The following ZNF606 variants were observed in gnomAD, a reference collection of about 807,000 sequenced individuals.
ZNF606 encodes zinc finger protein 606.
A neutral mutation model predicts 74.9 loss-of-function variants in ZNF606; 37 were observed. The observed-to-expected ratio is 0.49, with a 90% CI of 0.38 to 0.65. ZNF606 has a LOEUF of 0.65. ZNF606 is among the 30% of genes least tolerant of loss of function. The pLI, the probability that ZNF606 is intolerant of heterozygous loss-of-function variation, is 0.00. For missense variants in ZNF606, 852 were observed against 952.9 expected, an observed-to-expected ratio of 0.89 and a Z score of 1.39; for synonymous variants, 328 against 312.4, an observed-to-expected ratio of 1.05 and a Z score of -0.53.
intron 3 of ZNF606, 32 bp from the exon 4 acceptor site, chr19:57,999,928 C>T (rs1273041604): frequency 3.1e-6 from 5 of 1,603,938 alleles, no homozygotes; most frequent in Non-Finnish European, 4.3e-6. Flanking sequence ...ATGGAGGCAG[C>T]TCTCGCTGCC....
rs2073017211 is a variant in ZNF606 at position 57,978,132 on chromosome 19, T to C, written c.*169A>G. On this transcript the variant is annotated 3_prime_UTR_variant, in exon 7 of 7. Coordinates refer to ENST00000551380, the MANE Select transcript of ZNF606 (RefSeq NM_001348022.3). This position sits in a 1 kb window ranked among gnomAD's most constrained non-coding sequence, Gnocchi z 4.4. ...GGGCTAAATAACTGCTGAAAGCTTT[T>C]CCCTATTCTTTTCCTTCATGGGGTT... 4.6e-6 allele frequency: 3 copies of C among 646,290 alleles called. No individual in the cohort carries two copies. Among genetic ancestry groups the C allele is most frequent in the Non-Finnish European group, 7.2e-6 (3 of 413,958 alleles). The allele number at this position is 646,290 out of a possible 1,614,324, so 40.0% of individuals were successfully genotyped here.
chr19:57,988,741 C>G lies in ZNF606; in HGVS notation c.178-20G>C. The G allele has an allele frequency of 6.2e-7, 1 of 1,613,810 alleles. No individual in the cohort carries two copies. The highest frequency in any genetic ancestry group is 8.5e-7 in the Non-Finnish European group (1 of 1,180,016). On this transcript the variant is annotated intron_variant, in intron 4 of 6. Transcript: ENST00000551380. ...TGGTTCCTAAAAGAACACAAACGTTCCTTCTCAGCCTGTGACCACCCCCTC... is the reference window on the plus strand; with the variant it reads ...TGGTTCCTAAAAGAACACAAACGTTGCTTCTCAGCCTGTGACCACCCCCTC...
At chr19:58,003,306 ATGGGAGCATGGG>A, upstream of ZNF606, 1 of 456,678 alleles carries the variant, frequency 2.2e-6, no homozygotes, top group Non-Finnish European at 4.4e-6. Flanking sequence ...GCCAGGCTTT[ATGGGAGCATGGG>A]TTACCAGCGA....
In ZNF606 at chr19:57,980,023, A is replaced by G. The variant is rs756867693; in HGVS notation, c.657T>C (p.Phe219=). The change falls in exon 7 of 7, where the codon TTT becomes TTC. Residue 219 remains phenylalanine (F), a synonymous_variant. Coordinates refer to ENST00000551380, the MANE Select transcript of ZNF606 (RefSeq NM_001348022.3). Reference sequence around the variant, plus strand: ...ATGGAACAAAGTTTAAGTTCTGGCTAAACTCTGCCCCAAGTCCACAGAATT... The same window carrying G: ...ATGGAACAAAGTTTAAGTTCTGGCTGAACTCTGCCCCAAGTCCACAGAATT... ...SSEFCGLGAE[F]SQNLNFVPSQ... The G allele has an allele frequency of 1.2e-6, 2 of 1,613,620 alleles. No individual in the cohort carries two copies. Among genetic ancestry groups the G allele is most frequent in the Non-Finnish European group, 1.7e-6 (2 of 1,180,030 alleles).
At chr19:57,980,378 TA>T (rs1600214683) in intron 6 of ZNF606, 99 bp from the exon 7 acceptor site, 7 of 1,286,022 alleles carry the variant, frequency 5.4e-6, no homozygotes, top group Non-Finnish European at 7.4e-6. Flanking sequence ...AAAACACTAG[TA>T]TAAATTTGTT....
intron 4 of ZNF606, among the ~76,000 whole-genome samples, chr19:57,989,411 T>C (rs1183042975): frequency 6.6e-6 from 1 of 152,106 alleles, no homozygotes; most frequent in Non-Finnish European, 1.5e-5. Context: ...GTCTGATTTT[T>C]CCAATGAATA....
chr19:57,999,925 C>T, intron 3 of ZNF606, 29 bp from the exon 4 acceptor site: 1 of 1,606,740 alleles, frequency 6.2e-7, no homozygotes, highest in Non-Finnish European at 8.5e-7. Flanking sequence ...GTCATGGAGG[C>T]AGCTCTCGCT....
chr19:58,002,539 C>A lies in ZNF606; in HGVS notation c.-195G>T. 1 of 425,120 alleles carries A rather than the reference C, an allele frequency of 2.4e-6. No individual in the cohort carries two copies. The highest frequency in any genetic ancestry group is 1.7e-5 in the South Asian group (1 of 59,990). The allele number at this position is 425,120 out of a possible 1,614,324, so 26.3% of individuals were successfully genotyped here. On this transcript the variant is annotated 5_prime_UTR_variant, in exon 1 of 7. Coordinates refer to ENST00000551380, the MANE Select transcript of ZNF606 (RefSeq NM_001348022.3). ...CCCGGCGCGGCCTCGGGGACAAAGG[C>A]CCGCGGAGCCGACGTGCAGCAGAGT... is the stretch of plus-strand genomic sequence containing the variant.
At chr19:58,000,228 C>CT (rs138401809) in intron 3 of ZNF606, 168,622 of 344,928 alleles carry the variant, frequency 0.49, 30,250 homozygotes, top group South Asian at 0.54. Context: ...CACTGGTTTT[C>CT]TTTTTTTTTT....
At position 58,000,691 on chromosome 19, in the gene ZNF606, G is replaced by C; in HGVS notation, c.80C>G (p.Ala27Gly). 6.2e-7 allele frequency: 1 copy of C among 1,613,396 alleles called. No individual in the cohort carries two copies. The highest frequency in any genetic ancestry group is 1.7e-4 in the Middle Eastern group (1 of 6,060). Residue 27 changes from alanine to glycine, a missense_variant, in exon 3 of 7, where the codon GCC (alanine) becomes GGC (glycine). This residue lies in a region of ZNF606 where 545 missense variants were observed against 542.5 expected (regional missense o/e 1.00). Transcript: ENST00000551380. ...SWGMTAVDPWASWALCPQYPA... is the reference protein window; with the variant it reads ...SWGMTAVDPWGSWALCPQYPA... ...CCAGGCTCTTGACTCACCCCAGGAGGCCCATGGGTCAACAGCTGTCATCCC... is the reference window on the plus strand; with the variant it reads ...CCAGGCTCTTGACTCACCCCAGGAGCCCCATGGGTCAACAGCTGTCATCCC...
Position 57,978,365 on chromosome 19 carries a change from G to A in ZNF606, c.2315C>T (p.Ala772Val), listed in dbSNP as rs766288683. 4 of 1,608,346 alleles carry A rather than the reference G, an allele frequency of 2.5e-6. No individual in the cohort carries two copies. The highest frequency in any genetic ancestry group is 3.4e-6 in the Non-Finnish European group (4 of 1,175,350). The change falls in exon 7 of 7, where the codon GCC (alanine) becomes GTC (valine). Residue 772 changes from alanine to valine, a missense_variant. Ala to Val is a moderately conservative substitution (Grantham distance 64). Transcript: ENST00000551380. The surrounding 1 kb of genome is among the most constrained non-coding windows in gnomAD (Gnocchi z 4.4). ...KRFICSECGK[A>V]FSGHSALLQH... ...AAGTAGGGCTGAGTGACCACTAAAG[G>A]CTTTTCCACATTCACTGCATATAAA...
At chr19:58,002,155 C>T (rs745445057) in intron 1 of ZNF606, 7 of 456,492 alleles carry the variant, frequency 1.5e-5, no homozygotes, top group South Asian at 7.7e-5. Context: ...TGACAGTGAC[C>T]GCCGCCGTCA....
chr19:57,980,558 C>A (rs898012417), intron 6 of ZNF606, among the ~76,000 whole-genome samples: 1 of 151,896 alleles, frequency 6.6e-6, no homozygotes, highest in Admixed American at 6.6e-5. Context: ...AGAAAGAGGC[C>A]GGACGAGGTG....
At chr19:57,981,421 A>G (rs1274236539) in intron 6 of ZNF606, among the ~76,000 whole-genome samples, 3 of 152,160 alleles carry the variant, frequency 2.0e-5, no homozygotes, top group African/African-American at 7.2e-5. Context: ...CCCCTGACAA[A>G]AGGACCCAGT....
upstream of ZNF606, chr19:58,003,340 A>C (rs2123366312): frequency 4.4e-6 from 2 of 456,250 alleles, no homozygotes; most frequent in Non-Finnish European, 8.8e-6. Context: ...GCACCCTGTG[A>C]GTTTTCCTCT....
intron 4 of ZNF606, among the ~76,000 whole-genome samples, chr19:57,991,094 C>G (rs567441931): frequency 6.6e-6 from 1 of 152,124 alleles, no homozygotes; most frequent in African/African-American, 2.4e-5. Context: ...AGTGCACCCT[C>G]GCCTTCTCTC....
intron 4 of ZNF606, among the ~76,000 whole-genome samples, chr19:57,989,945 G>C (rs891401698): frequency 6.6e-6 from 1 of 150,496 alleles, no homozygotes; most frequent in Non-Finnish European, 1.5e-5. Context: ...CCAGCTACTT[G>C]GGAGGCTGAG....
rs551178009 is a variant in ZNF606, at chr19:57,978,727, G to A, written c.1953C>T (p.Pro651=). The change falls in exon 7 of 7, where the codon CCC becomes CCT. Residue 651 remains proline, a synonymous_variant. Transcript: ENST00000551380. The surrounding 1 kb of genome is among the most constrained non-coding windows in gnomAD (Gnocchi z 4.4). ...ATTTTCCACATTTATTGCATTCATA[G>A]GGTTTTTCTCCAGTATGAGTCCTTT... ...RHQRTHTGEK[P]YECNKCGKSF... is the part of the protein sequence containing the mutation. 6 of 1,614,026 alleles carry A rather than the reference G, an allele frequency of 3.7e-6. No individual in the cohort carries two copies. In the Admixed American group the frequency reaches 6.7e-5, roughly 18 times the overall value.
In ZNF606 at chr19:58,002,633, C is replaced by G. The variant is rs1391534080; in HGVS notation, c.-289G>C. ...CGGGAGGCCGGAGGCAGGCTGCTGG[C>G]TGGAGAACCGACGGCAACGACGGCG... On this transcript the variant is annotated 5_prime_UTR_variant, in exon 1 of 7. Transcript: ENST00000551380. 3 of 452,910 alleles carry G rather than the reference C, an allele frequency of 6.6e-6. No individual in the cohort carries two copies. The highest frequency in any genetic ancestry group is 2.4e-5 in the Admixed American group (1 of 42,072). 28.1% of individuals were successfully genotyped at this position (452,910 alleles called of 1,614,324 possible).
Sources: allele counts gnomAD v4.1 joint callset (sites outside exome capture counted in the v4.1 genomes callset), GRCh38; gene constraint gnomAD v4.1.1; regional missense constraint gnomAD v4.1.1; non-coding constraint Gnocchi (gnomAD v3.1); transcripts MANE v1.5; gene names NCBI Gene and HGNC (gene_info 2026-07-23, HGNC 2026-07-21).